LRRC7: variants seen among roughly 807,000 people sequenced by gnomAD.
LRRC7 encodes leucine rich repeat containing 7.
In LRRC7, 23 loss-of-function variants were observed where a neutral mutation model predicts 175.7. The ratio of observed to expected loss-of-function variants is 0.13; its 90% CI spans 0.09 to 0.19. LRRC7 has a LOEUF of 0.19. Among genes scored for constraint, LRRC7 ranks in the 10% least tolerant of loss-of-function variants. The pLI is 1.00. For missense variants in LRRC7, 1,354 were observed against 1,904.7 expected (o/e 0.71, Z 5.38); for synonymous variants, 685 against 680.9 (o/e 1.01, Z -0.09).
intron 7 of LRRC7, among the ~76,000 whole-genome samples, chr1:69,890,227 G>GCTTGAAAGTCAAAATTACTC (rs1553169400): frequency 2.0e-5 from 3 of 152,128 alleles, no homozygotes; most frequent in Admixed American, 6.5e-5. Flanking sequence ...AAATAATAAG[G>GCTTGAAAGTCAAAATTACTC]CTTGAAAGTC....
rs182241314 is a variant in LRRC7 at position 69,835,874 on chromosome 1, A to G, written c.590+1005A>G. Among the ~76,000 whole-genome samples, 21 of 151,894 alleles carry G rather than the reference A, an allele frequency of 1.4e-4. No individual in the cohort carries two copies. In the East Asian group the frequency reaches 3.5e-3, roughly 25 times the overall value. On this transcript the variant is annotated intron_variant, in intron 6 of 26. Transcript: ENST00000651989. ...TTTTAAAATTCTTAAGATGTTTCCAATATGAATATGACTCTGTAAGAAATA... is the reference window on the plus strand; with the variant it reads ...TTTTAAAATTCTTAAGATGTTTCCAGTATGAATATGACTCTGTAAGAAATA...
intron 4 of LRRC7, among the ~76,000 whole-genome samples, chr1:69,793,002 G>A (rs1465350853): frequency 6.6e-6 from 1 of 151,978 alleles, no homozygotes; most frequent in African/African-American, 2.4e-5. Flanking sequence ...ATATAAAATA[G>A]GACCCCTTCA....
intron 2 of LRRC7, among the ~76,000 whole-genome samples, chr1:69,704,107 G>C (rs567989538): frequency 6.6e-6 from 1 of 151,634 alleles, no homozygotes; most frequent in Non-Finnish European, 1.5e-5. Context: ...ATATACACTC[G>C]GTGCTAAGTC....
intron 1 of LRRC7, among the ~76,000 whole-genome samples, chr1:69,652,125 C>G (rs1234356597): frequency 6.6e-6 from 1 of 152,116 alleles, no homozygotes; most frequent in Non-Finnish European, 1.5e-5. Flanking sequence ...TGGAGTTCAA[C>G]TCTCCTTACA....
chr1:69,682,537 G>A (rs765579037), intron 2 of LRRC7, among the ~76,000 whole-genome samples: 7 of 152,096 alleles, frequency 4.6e-5, no homozygotes, highest in Non-Finnish European at 1.0e-4. Flanking sequence ...CTGCAATGCT[G>A]TTAATATTAC....
intron 7 of LRRC7, among the ~76,000 whole-genome samples, chr1:69,856,807 C>CA (rs1250954268): frequency 1.3e-5 from 2 of 151,922 alleles, no homozygotes; most frequent in African/African-American, 4.8e-5. Context: ...AGAGACACAA[C>CA]AAAAAAAGAG....
At chr1:69,599,747 G>C (rs1773313) in intron 1 of LRRC7, among the ~76,000 whole-genome samples, 23,012 of 152,084 alleles carry the variant, frequency 0.15, 1,913 homozygotes, top group Admixed American at 0.19. Flanking sequence ...ATTTTATTTG[G>C]ATATCTTTCC....
At chr1:69,900,785 C>G (rs1237572242) in intron 7 of LRRC7, among the ~76,000 whole-genome samples, 1 of 152,080 alleles carries the variant, frequency 6.6e-6, no homozygotes, top group Admixed American at 6.5e-5. Flanking sequence ...GATATGCAAC[C>G]TGTATTCTAA....
In LRRC7 at chr1:70,007,891, G is replaced by A. The variant is rs1352072658; in HGVS notation, c.1005-3906G>A. ...TAGAAGCTTATCTAGAGTCTTCCTA[G>A]TAGTAGCAGTGTCAGCATTCCCATG... On this transcript the variant is annotated intron_variant, in intron 11 of 26. Coordinates refer to ENST00000651989, the MANE Select transcript of LRRC7 (RefSeq NM_001370785.2). 2.6e-5 allele frequency among the ~76,000 whole-genome samples: 4 copies of A among 152,056 alleles called. No homozygotes were observed. The East Asian group carries it at 7.7e-4, about 29-fold the overall frequency.
chr1:69,698,137 C>A (rs896194895), intron 2 of LRRC7, among the ~76,000 whole-genome samples: 3 of 152,182 alleles, frequency 2.0e-5, no homozygotes, highest in Non-Finnish European at 4.4e-5. Context: ...CAACAATACT[C>A]CAGTGGCATT....
rs1293984076 is a variant in LRRC7, at chr1:70,136,132, T to G, written c.*14245T>G. Among the ~76,000 whole-genome samples, 2 of 151,692 alleles carry G rather than the reference T, an allele frequency of 1.3e-5. No homozygotes were observed. The highest frequency in any genetic ancestry group is 2.9e-5 in the Non-Finnish European group (2 of 67,916). On this transcript the variant is annotated 3_prime_UTR_variant, in exon 27 of 27. Transcript: ENST00000651989. ...CTTATCAGGCAATTTTTTTTTTTTTTGCATTTCCACGTTTCCCAAAAAATG... is the reference window on the plus strand; with the variant it reads ...CTTATCAGGCAATTTTTTTTTTTTTGGCATTTCCACGTTTCCCAAAAAATG...
intron 5 of LRRC7, 64 bp from the exon 6 acceptor site, chr1:69,834,716 A>AT (rs11310186): frequency 7.4e-5 from 89 of 1,194,724 alleles, no homozygotes; most frequent in African/African-American, 2.3e-4. Context: ...AGAGATACAT[A>AT]TTTTTTTTGT....
At chr1:69,629,541 A>G (rs1168495907) in intron 1 of LRRC7, among the ~76,000 whole-genome samples, 1 of 152,114 alleles carries the variant, frequency 6.6e-6, no homozygotes, top group Non-Finnish European at 1.5e-5. Flanking sequence ...CACTTGGTCT[A>G]TAACCTATTA....
chr1:69,652,276 A>G (rs999581038), intron 1 of LRRC7, among the ~76,000 whole-genome samples: 62 of 152,188 alleles, frequency 4.1e-4, no homozygotes, highest in African/African-American at 1.4e-3. Context: ...TAGAACTAAT[A>G]TATCAGTTCA....
chr1:69,763,090 T>C (rs1330600968), intron 3 of LRRC7, among the ~76,000 whole-genome samples: 1 of 151,938 alleles, frequency 6.6e-6, no homozygotes, highest in Non-Finnish European at 1.5e-5. Context: ...AAATAGGAAA[T>C]ACAAAAATGA....
chr1:70,104,064 A>T (rs1433409484), intron 25 of LRRC7, among the ~76,000 whole-genome samples: 1 of 152,202 alleles, frequency 6.6e-6, no homozygotes, highest in Non-Finnish European at 1.5e-5. Context: ...GATTTGTAAG[A>T]TGCCATTATT....
At chr1:69,723,959 A>T (rs982423099) in intron 2 of LRRC7, among the ~76,000 whole-genome samples, 1 of 152,112 alleles carries the variant, frequency 6.6e-6, no homozygotes, top group African/African-American at 2.4e-5. Flanking sequence ...TCAACATATA[A>T]ATTTTGGAGA....
chr1:69,707,658 C>A (rs1664214425), intron 2 of LRRC7, among the ~76,000 whole-genome samples: 1 of 152,098 alleles, frequency 6.6e-6, no homozygotes, highest in African/African-American at 2.4e-5. Flanking sequence ...TGCTAATTTT[C>A]CTTTTCCTCA....
intron 19 of LRRC7, 101 bp from the exon 20 acceptor site, chr1:70,036,343 C>T: frequency 7.2e-7 from 1 of 1,384,850 alleles, no homozygotes; most frequent in Non-Finnish European, 1.0e-6. Context: ...TACAAATATG[C>T]ATTTCTAACC....
Sources: gnomAD v4.1 joint callset for allele counts (sites outside exome capture counted in the v4.1 genomes callset) on GRCh38, gnomAD v4.1.1 for gene constraint, MANE v1.5 for transcripts, NCBI Gene and HGNC (gene_info 2026-07-23, HGNC 2026-07-21) for gene names.